The following NBEA variants were observed in gnomAD, a reference collection of about 807,000 sequenced individuals.
NBEA encodes neurobeachin.
Under a neutral mutation model 343.4 loss-of-function variants are expected in NBEA, and 44 were observed. That is an observed-to-expected ratio of 0.13 (90% CI 0.10 to 0.16). NBEA has a LOEUF of 0.16. NBEA is among the 10% of genes least tolerant of loss of function. The probability of loss-of-function intolerance (pLI) is 1.00; values close to 1 mark genes in which losing one functional copy is unlikely to be tolerated. For synonymous variants in NBEA, 1,175 were observed against 1,238.7 expected (o/e 0.95, Z 1.08); for missense variants, 2,555 against 3,631.3 (o/e 0.70, Z 7.62).
chr13:35,122,204 A>T (rs1407779711), intron 16 of NBEA, among the ~76,000 whole-genome samples: 1 of 152,156 alleles, frequency 6.6e-6, no homozygotes, highest in Non-Finnish European at 1.5e-5. Context: ...AAACTGAACA[A>T]TATACTTGTT....
At chr13:35,567,889 G>A (rs545328897) in intron 45 of NBEA, among the ~76,000 whole-genome samples, 162 of 152,244 alleles carry the variant, frequency 1.1e-3, no homozygotes, top group African/African-American at 3.7e-3. Flanking sequence ...CCCACAGATG[G>A]TTTTTAACTC....
chr13:35,114,713 A>G (rs773585804), intron 13 of NBEA, among the ~76,000 whole-genome samples: 1 of 152,210 alleles, frequency 6.6e-6, no homozygotes, highest in African/African-American at 2.4e-5. Flanking sequence ...GTACCAGTAC[A>G]TATATTTTAA....
At chr13:35,083,794 A>C (rs2064562947) in intron 10 of NBEA, among the ~76,000 whole-genome samples, 1 of 151,050 alleles carries the variant, frequency 6.6e-6, no homozygotes, top group Admixed American at 6.6e-5. Flanking sequence ...AAATGCTCCA[A>C]TTAAAAGACC....
chr13:34,945,860 T>C (rs138966114), intron 1 of NBEA, among the ~76,000 whole-genome samples: 8 of 152,196 alleles, frequency 5.3e-5, no homozygotes, highest in African/African-American at 1.9e-4. Flanking sequence ...CTGGGCAGAG[T>C]GAAGTTTTAA....
intron 40 of NBEA, among the ~76,000 whole-genome samples, chr13:35,472,148 G>A (rs934271865): frequency 1.3e-5 from 2 of 152,118 alleles, no homozygotes; most frequent in Non-Finnish European, 2.9e-5. Context: ...AGGATTTCTA[G>A]GTGGAAATTG....
At chr13:34,996,146 G>C (rs1244448399) in intron 1 of NBEA, among the ~76,000 whole-genome samples, 2 of 152,106 alleles carry the variant, frequency 1.3e-5, no homozygotes, top group Non-Finnish European at 2.9e-5. Flanking sequence ...ATACCATCTT[G>C]AATGTGCAAA....
At chr13:35,609,916 A>G (rs550271781) in intron 48 of NBEA, among the ~76,000 whole-genome samples, 7 of 152,350 alleles carry the variant, frequency 4.6e-5, no homozygotes, top group Non-Finnish European at 7.3e-5. Flanking sequence ...AGCCGAAGTC[A>G]TAACAAAGAT....
At chr13:35,495,439 C>T (rs1444110535) in intron 41 of NBEA, among the ~76,000 whole-genome samples, 1 of 151,550 alleles carries the variant, frequency 6.6e-6, no homozygotes, top group South Asian at 2.1e-4. Flanking sequence ...ACTTCAATAC[C>T]CCGCTTTCAA....
At chr13:35,074,464 G>A (rs979967266) in intron 10 of NBEA, among the ~76,000 whole-genome samples, 1 of 152,068 alleles carries the variant, frequency 6.6e-6, no homozygotes, top group Non-Finnish European at 1.5e-5. Context: ...TATAAATTGA[G>A]TTTTGTATAT....
At position 35,482,090 on chromosome 13, in the gene NBEA, C is replaced by A. The variant is rs184467104; in HGVS notation, c.6585+9554C>A. Among the ~76,000 whole-genome samples, 24 of 151,620 alleles carry A rather than the reference C, an allele frequency of 1.6e-4. No individual in the cohort carries two copies. The East Asian group carries it at 3.9e-3, about 25-fold the overall frequency. On this transcript the variant is annotated intron_variant, in intron 41 of 58. Coordinates refer to ENST00000379939, the MANE Select transcript of NBEA (RefSeq NM_001385012.1). ...TCCAGTGATTACATGTCTAAAATAA[C>A]CTTTCCTATTTTTAATTTATAGTTT...
At chr13:35,260,675 AT>A (rs1349623367) in intron 34 of NBEA, among the ~76,000 whole-genome samples, 2 of 152,174 alleles carry the variant, frequency 1.3e-5, no homozygotes, top group African/African-American at 4.8e-5. Context: ...TGAATCTTGA[AT>A]TTTTTGAGAT....
At chr13:35,309,694 T>G in intron 36 of NBEA, 102 bp downstream of exon 36, 1 of 615,432 alleles carries the variant, frequency 1.6e-6, no homozygotes. Flanking sequence ...GAAGAAAATG[T>G]CTTTTAGTTA....
chr13:35,376,923 C>T (rs2041773573), intron 38 of NBEA, among the ~76,000 whole-genome samples: 1 of 152,072 alleles, frequency 6.6e-6, no homozygotes, highest in South Asian at 2.1e-4. Context: ...AGGCCCTGTC[C>T]CACATTCCTA....
intron 34 of NBEA, among the ~76,000 whole-genome samples, chr13:35,242,128 A>G (rs1281814087): frequency 6.6e-6 from 1 of 151,972 alleles, no homozygotes; most frequent in African/African-American, 2.4e-5. Context: ...ACTGTCTTTA[A>G]TATGCCTATG....
intron 34 of NBEA, chr13:35,251,727 C>G (rs779159455): frequency 1.7e-5 from 5 of 293,176 alleles, no homozygotes; most frequent in African/African-American, 1.1e-4. Flanking sequence ...GATGACTACC[C>G]GATGGAGCTG....
At chr13:35,142,761 GTA>G (rs2068164945) in intron 18 of NBEA, among the ~76,000 whole-genome samples, 1 of 152,006 alleles carries the variant, frequency 6.6e-6, no homozygotes, top group African/African-American at 2.4e-5. Flanking sequence ...TCCACTGCCA[GTA>G]TTAAGCTGGA....
chr13:35,068,114 T>A (rs1566234668), intron 8 of NBEA, among the ~76,000 whole-genome samples: 1 of 152,150 alleles, frequency 6.6e-6, no homozygotes, highest in Non-Finnish European at 1.5e-5. Context: ...TTTCTTCATT[T>A]AATGGATTCT....
chr13:34,943,697 A>G (rs549051770), intron 1 of NBEA, among the ~76,000 whole-genome samples: 31 of 152,242 alleles, frequency 2.0e-4, no homozygotes, highest in African/African-American at 7.5e-4. Context: ...ATCCCCCTCC[A>G]TCTCAGAAGC....
chr13:34,961,717 G>T (rs2059668363), intron 1 of NBEA, among the ~76,000 whole-genome samples: 1 of 151,990 alleles, frequency 6.6e-6, no homozygotes. Context: ...TTCTATCATA[G>T]AAATCAATTA....
Sources: allele counts gnomAD v4.1 joint callset (sites outside exome capture counted in the v4.1 genomes callset), GRCh38; gene constraint gnomAD v4.1.1; transcripts MANE v1.5; gene names NCBI Gene and HGNC (gene_info 2026-07-23, HGNC 2026-07-21).